Variants in OSBPL10 observed in about 807,000 individuals in gnomAD.
OSBPL10 encodes the protein oxysterol-binding protein-related protein 10.
A neutral mutation model predicts 81.7 loss-of-function variants in OSBPL10; 49 were observed. The observed-to-expected ratio is 0.60, with a 90% CI of 0.48 to 0.76. OSBPL10 has a LOEUF of 0.76. OSBPL10 is among the 30% of genes least tolerant of loss of function. The pLI is 0.00. For missense variants in OSBPL10, 923 were observed against 987.8 expected, an observed-to-expected ratio of 0.93 and a Z score of 0.88; for synonymous variants, 419 against 383.6, an observed-to-expected ratio of 1.09 and a Z score of -1.08.
intron 3 of OSBPL10, among the ~76,000 whole-genome samples, chr3:31,846,563 C>T (rs1487707069): frequency 1.3e-5 from 2 of 151,856 alleles, no homozygotes; most frequent in African/African-American, 2.4e-5. Context: ...ACCTGGGAGG[C>T]GGAGGTTGCA....
At chr3:31,980,786 T>A in intron 1 of OSBPL10, 113 bp downstream of exon 1, 1 of 1,306,232 alleles carries the variant, frequency 7.7e-7, no homozygotes. Flanking sequence ...CTGGGTTCGC[T>A]GAAGGCACAA....
chr3:31,708,370 T>G (rs1370853810), intron 6 of OSBPL10, among the ~76,000 whole-genome samples: 1 of 152,198 alleles, frequency 6.6e-6, no homozygotes, highest in Admixed American at 6.5e-5. Flanking sequence ...TCACAATCAT[T>G]ACATAATCCT....
chr3:31,894,068 C>CA (rs1695984931), intron 1 of OSBPL10, among the ~76,000 whole-genome samples: 1 of 152,034 alleles, frequency 6.6e-6, no homozygotes. Flanking sequence ...TAGCCTAGAC[C>CA]AAGGTGGTGA....
intron 4 of OSBPL10, among the ~76,000 whole-genome samples, chr3:31,765,691 C>T (rs1698175068): frequency 1.3e-5 from 2 of 152,018 alleles, no homozygotes; most frequent in Non-Finnish European, 1.5e-5. Context: ...TTAAAATTAG[C>T]AAGTGAAAAA....
At chr3:31,744,858 A>G (rs1442803805) in intron 5 of OSBPL10, among the ~76,000 whole-genome samples, 1 of 152,262 alleles carries the variant, frequency 6.6e-6, no homozygotes, top group East Asian at 1.9e-4. Flanking sequence ...AATTTTAGGA[A>G]TAAGAAAATG....
At chr3:31,847,798 T>G (rs936754119) in intron 3 of OSBPL10, among the ~76,000 whole-genome samples, 1 of 151,898 alleles carries the variant, frequency 6.6e-6, no homozygotes, top group African/African-American at 2.4e-5. Flanking sequence ...AAACTAAAGA[T>G]CAGCAACATG....
chr3:31,942,536 A>G (rs1296736292), intron 1 of OSBPL10, among the ~76,000 whole-genome samples: 1 of 145,810 alleles, frequency 6.9e-6, no homozygotes, highest in Non-Finnish European at 1.5e-5. Context: ...CTCCATCTCA[A>G]AAAAAAAAAA....
chr3:32,058,993 T>A (rs1045789409), intron 1 of OSBPL10, among the ~76,000 whole-genome samples: 8 of 152,172 alleles, frequency 5.3e-5, no homozygotes, highest in Admixed American at 5.2e-4. Context: ...CTGGTTTACG[T>A]TGATTTTAAA....
rs555371513 is a variant in OSBPL10, at chr3:31,746,551, G to C, written c.940+1359C>G. Among the ~76,000 whole-genome samples, 9 of 152,020 alleles carry C rather than the reference G, an allele frequency of 5.9e-5. No homozygotes were observed. In the East Asian group the frequency reaches 1.7e-3, roughly 29 times the overall value. ...AAATTAGTCGGGTGTGGTGGTGCAT[G>C]CCTGTAATTCCAGCTACTCGAGAGG... On this transcript the variant is annotated intron_variant, in intron 5 of 11. Coordinates refer to ENST00000396556, the MANE Select transcript of OSBPL10 (RefSeq NM_017784.5).
At chr3:31,942,349 C>T (rs1411354321) in intron 1 of OSBPL10, among the ~76,000 whole-genome samples, 2 of 152,044 alleles carry the variant, frequency 1.3e-5, no homozygotes, top group Admixed American at 6.6e-5. Flanking sequence ...TGAGACCAGC[C>T]TGGTCAACAT....
upstream of OSBPL10, among the ~76,000 whole-genome samples, chr3:31,985,688 C>T (rs1222119659): frequency 6.6e-6 from 1 of 152,206 alleles, no homozygotes; most frequent in Non-Finnish European, 1.5e-5. Context: ...AAAATTATCA[C>T]AACCAGATCA....
intron 1 of OSBPL10, among the ~76,000 whole-genome samples, chr3:31,939,255 C>G (rs1697471573): frequency 6.6e-6 from 1 of 151,294 alleles, no homozygotes; most frequent in South Asian, 2.1e-4. Flanking sequence ...AACGATTCTC[C>G]TGCCTCAGCC....
intron 3 of OSBPL10, among the ~76,000 whole-genome samples, chr3:31,837,171 TAGAA>T (rs930176633): frequency 3.3e-5 from 5 of 151,958 alleles, no homozygotes; most frequent in African/African-American, 7.3e-5. Context: ...AAATAGTTGA[TAGAA>T]AGGAGGAAAG....
At chr3:31,841,846 A>G (rs1700506202) in intron 3 of OSBPL10, among the ~76,000 whole-genome samples, 1 of 152,262 alleles carries the variant, frequency 6.6e-6, no homozygotes, top group South Asian at 2.1e-4. Flanking sequence ...GAAACCAATA[A>G]AAGTATGAAA....
intron 1 of OSBPL10, among the ~76,000 whole-genome samples, chr3:32,051,380 A>G (rs12488844): frequency 0.67 from 101,249 of 151,944 alleles, 36,177 homozygotes; most frequent in South Asian, 0.84. Flanking sequence ...ATTATGAGAA[A>G]GCTTTGGTGT....
At chr3:31,982,741 T>C (rs114825345), upstream of OSBPL10, among the ~76,000 whole-genome samples, 28 of 152,258 alleles carry the variant, frequency 1.8e-4, no homozygotes, top group African/African-American at 6.7e-4. Flanking sequence ...TCAAATTACC[T>C]CTTTTAGCCT....
intron 1 of OSBPL10, among the ~76,000 whole-genome samples, chr3:31,882,303 A>C (rs1390431135): frequency 2.0e-5 from 3 of 152,188 alleles, no homozygotes; most frequent in African/African-American, 7.2e-5. Context: ...AAGTCATTCT[A>C]ATAACGGTAT....
chr3:31,943,310 A>G (rs934357677), intron 1 of OSBPL10, among the ~76,000 whole-genome samples: 5 of 152,228 alleles, frequency 3.3e-5, no homozygotes, highest in Admixed American at 2.6e-4. Context: ...TAATGCTACA[A>G]TGAACCTTGC....
At chr3:31,699,783 T>C (rs780735223) in intron 7 of OSBPL10, among the ~76,000 whole-genome samples, 1 of 152,196 alleles carries the variant, frequency 6.6e-6, no homozygotes, top group Non-Finnish European at 1.5e-5. Flanking sequence ...GACTCACAAA[T>C]GTGTCAACAC....
Sources: gnomAD v4.1 joint callset for allele counts (sites outside exome capture counted in the v4.1 genomes callset) on GRCh38, gnomAD v4.1.1 for gene constraint, MANE v1.5 for transcripts, NCBI Gene and HGNC (gene_info 2026-07-23, HGNC 2026-07-21) for gene names.